The following ZZEF1 variants were observed in gnomAD, a reference collection of about 807,000 sequenced individuals.
ZZEF1 encodes zinc finger ZZ-type and EF-hand domain-containing protein 1.
ZZEF1 carries 157 observed loss-of-function variants against 342.8 expected under a neutral mutation model. The ratio of observed to expected loss-of-function variants is 0.46; its 90% confidence interval spans 0.40 to 0.52. The LOEUF (loss-of-function observed/expected upper bound fraction) is 0.52. Among genes scored for constraint, ZZEF1 ranks in the 20% least tolerant of loss-of-function variants. The probability of loss-of-function intolerance (pLI) is 0.00; values close to 1 mark genes in which losing one functional copy is unlikely to be tolerated. For missense variants in ZZEF1, 3,480 were observed against 3,725.6 expected, an observed-to-expected ratio of 0.93 and a Z score of 1.72; for synonymous variants, 1,505 against 1,429.1, an observed-to-expected ratio of 1.05 and a Z score of -1.20.
Position 4,070,621 on chromosome 17 carries a change from T to C in ZZEF1, c.4075+63A>G, listed in dbSNP as rs568468263. The C allele has an allele frequency of 1.1e-4, 168 of 1,532,294 alleles. No individual in the cohort carries two copies. In the African/African-American group the frequency reaches 2.2e-3, roughly 20 times the overall value. The allele number at this position is 1,532,294 out of a possible 1,614,324, so 94.9% of individuals were successfully genotyped here. A position where few individuals can be genotyped will look rare whatever the true frequency, so the allele number is the denominator to read the frequency against. On this transcript the variant is annotated intron_variant, in intron 26 of 54. Transcript: ENST00000381638. ...AAATATTTTAAATGTTCACTTAAGA[T>C]AGGCTTTCTTAAAACTTAGCAATTA...
chr17:4,060,421 C>T (rs1192074358), intron 30 of ZZEF1, among the ~76,000 whole-genome samples: 4 of 152,004 alleles, frequency 2.6e-5, no homozygotes, highest in Non-Finnish European at 4.4e-5. Flanking sequence ...AAAAATTAGC[C>T]GAGTGTGGTG....
chr17:4,013,557 A>C lies in ZZEF1; in HGVS notation c.8471T>G (p.Leu2824Trp). The change falls in exon 52 of 55, where the codon TTG becomes TGG. Residue 2824 changes from leucine to tryptophan, a missense_variant. By Grantham distance (61) the Leu-to-Trp change is moderately conservative. Around this residue, in one of 5 missense-constraint regions of ZZEF1, gnomAD observed 1,269 missense variants for 1,342.4 expected, o/e 0.95. Transcript: ENST00000381638. The stretch of plus-strand genomic sequence containing the variant: ...CACCAGCCATTCCCAAATTTTTGCC[A>C]ATGGGAGATGAGGCACGACCCTTTC... ...SEERVVPHLP[L>W]AKIWEWLVGV... is the part of the protein sequence containing the mutation. The C allele has an allele frequency of 6.2e-7, 1 of 1,614,154 alleles. No individual in the cohort carries two copies. Among genetic ancestry groups the C allele is most frequent in the East Asian group, 2.2e-5 (1 of 44,884 alleles).
At chr17:4,111,126 T>C (rs1236694583) in intron 5 of ZZEF1, among the ~76,000 whole-genome samples, 2 of 152,178 alleles carry the variant, frequency 1.3e-5, no homozygotes, top group East Asian at 3.8e-4. Flanking sequence ...AAGATATGTA[T>C]AGATTTATGT....
intron 35 of ZZEF1, 148 bp from the exon 36 acceptor site, chr17:4,051,191 G>A (rs1257212465): frequency 3.0e-6 from 3 of 1,012,448 alleles, no homozygotes; most frequent in Non-Finnish European, 4.4e-6. Context: ...AAAGAAAGGT[G>A]TGGGCCCTCT....
chr17:4,021,521 C>T (rs1446472506), intron 44 of ZZEF1, among the ~76,000 whole-genome samples: 1 of 152,206 alleles, frequency 6.6e-6, no homozygotes, highest in Non-Finnish European at 1.5e-5. Flanking sequence ...CTATGGGAAC[C>T]TTTGTGTTTA....
chr17:4,057,183 A>T (rs2057180171), intron 32 of ZZEF1, among the ~76,000 whole-genome samples: 3 of 152,314 alleles, frequency 2.0e-5, no homozygotes, highest in South Asian at 4.1e-4. Context: ...GGGGAGACAA[A>T]GCGAGAAACC....
intron 29 of ZZEF1, 51 bp downstream of exon 29, chr17:4,064,310 G>A (rs1353665647): frequency 7.0e-7 from 1 of 1,421,326 alleles, no homozygotes; most frequent in South Asian, 1.3e-5. Flanking sequence ...ACTAGACTGG[G>A]TACCTACGGC....
rs745636921 is a variant in ZZEF1 at position 4,075,366 on chromosome 17, C to A, written c.3298G>T (p.Ala1100Ser). The A allele has an allele frequency of 3.1e-6, 5 of 1,614,218 alleles. No individual in the cohort carries two copies. The Admixed American group carries it at 6.7e-5, about 22-fold the overall frequency. The part of the protein sequence containing the change: ...VVLHTWTKES[A>S]HNYENNCHEV... ...TGGCAATTATTTTCATAGTTGTGGG[C>A]AGATTCCTTCGTCCACGTATGTAAC... Residue 1100 changes from alanine (A) to serine (S), a missense_variant, in exon 22 of 55, where the codon GCC becomes TCC. Physicochemically the swap from Ala to Ser is moderately conservative, Grantham distance 99 (BLOSUM62 1). This residue lies in a region of ZZEF1 where 1,528 missense variants were observed against 1,624.1 expected (regional missense o/e 0.94). Transcript: ENST00000381638.
chr17:4,034,441 A>G, intron 39 of ZZEF1, 149 bp from the exon 40 acceptor site: 1 of 741,382 alleles, frequency 1.3e-6, no homozygotes, highest in Non-Finnish European at 2.2e-6. Context: ...ATGTATAATC[A>G]CTTACAAAAT....
rs112670055 is a variant in ZZEF1 at position 4,055,720 on chromosome 17, C to T, written c.5295+496G>A. ...CAATTTTTCAATGAGTCTAGTTCTA[C>T]GGCAGGGAGCCACTCTGAGTGTAGT... is the stretch of plus-strand genomic sequence containing the variant. On this transcript the variant is annotated intron_variant, in intron 33 of 54. Transcript: ENST00000381638. 2.3e-3 allele frequency among the ~76,000 whole-genome samples: 345 copies of T among 152,300 alleles called. 2 individuals carry two copies. Among genetic ancestry groups the T allele is most frequent in the African/African-American group, 5.8e-3 (240 of 41,556 alleles).
intron 1 of ZZEF1, among the ~76,000 whole-genome samples, chr17:4,132,555 G>A (rs1242829916): frequency 2.0e-5 from 3 of 151,872 alleles, no homozygotes; most frequent in Non-Finnish European, 4.4e-5. Flanking sequence ...AAAATTAGCC[G>A]GGCTTGGTGG....
At chr17:4,071,080 T>TA (rs11413669) in intron 25 of ZZEF1, among the ~76,000 whole-genome samples, 156 bp from the exon 26 acceptor site, 7,609 of 152,082 alleles carry the variant, frequency 0.05, 656 homozygotes, top group African/African-American at 0.17. Flanking sequence ...AGATATGAGT[T>TA]AAAAAAAGAT....
Position 4,105,702 on chromosome 17 carries a change from C to G in ZZEF1, c.1385G>C (p.Arg462Thr), listed in dbSNP as rs899148005. 1 of 1,611,980 alleles carries G rather than the reference C, an allele frequency of 6.2e-7. No individual in the cohort carries two copies. Among genetic ancestry groups the G allele is most frequent in the Non-Finnish European group, 8.5e-7 (1 of 1,178,666 alleles). ...TCAGCCTTGATTTTACCTAGTTATC[C>G]TTATGAGGAAACTGTCCACTTCTTC... ...VLEEVDSFLI[R>T]ITSCCSTPEV... is the part of the protein sequence containing the mutation. The change falls in exon 7 of 55, where the codon AGG becomes ACG. Residue 462 changes from arginine (R) to threonine (T), a missense_variant. Arg to Thr is a moderately conservative substitution (Grantham distance 71). Coordinates refer to ENST00000381638, the MANE Select transcript of ZZEF1 (RefSeq NM_015113.4).
Position 4,062,785 on chromosome 17 carries a change from CA to C in ZZEF1, c.4850del (p.Leu1617TrpfsTer4). ...CFHPPFILFL[L>X]ELLTCQKDFT... ...AATCTTTCTGACAGGTCAGAAGTTC[CA>C]ACAGGAAAAGTATGAAAGGTGGATG... On this transcript the variant is annotated frameshift_variant, in exon 30 of 55. Coordinates refer to ENST00000381638, the MANE Select transcript of ZZEF1 (RefSeq NM_015113.4). LOFTEE classifies it high-confidence loss of function. 6.2e-7 allele frequency: 1 copy of C among 1,611,218 alleles called. No homozygotes were observed. Among genetic ancestry groups the C allele is most frequent in the Non-Finnish European group, 8.5e-7 (1 of 1,178,570 alleles).
rs1225362950 is a variant in ZZEF1 at position 4,022,696 on chromosome 17, T to C, written c.7212+13A>G. The C allele has an allele frequency of 1.2e-6, 2 of 1,613,452 alleles. No individual in the cohort carries two copies. Among genetic ancestry groups the C allele is most frequent in the African/African-American group, 2.7e-5 (2 of 74,824 alleles). ...ACCAGGAAAGAGGAGCAGGAGTCCC[T>C]CTCGTCTCTTACTTCCAGGTCCCGG... On this transcript the variant is annotated intron_variant, in intron 44 of 54. Coordinates refer to ENST00000381638, the MANE Select transcript of ZZEF1 (RefSeq NM_015113.4).
At chr17:4,056,184 C>A in intron 33 of ZZEF1, 32 bp downstream of exon 33, 1 of 1,493,434 alleles carries the variant, frequency 6.7e-7, no homozygotes, top group Non-Finnish European at 9.0e-7. Context: ...CCTAGCAAAT[C>A]ACTTCAGAGT....
In ZZEF1 at chr17:4,042,576, G is replaced by A. The variant is rs750656870; in HGVS notation, c.6167-8C>T. On this transcript the variant is annotated splice_region_variant and splice_polypyrimidine_tract_variant and intron_variant, in intron 38 of 54. Transcript: ENST00000381638. ...CTTCTGAATCTTCAGCATCTAAGTG[G>A]TAAAACAAACTTTCAGAATTTGCCT... 7.5e-6 allele frequency: 12 copies of A among 1,609,610 alleles called. No homozygotes were observed. In the Admixed American group the frequency reaches 1.5e-4, roughly 21 times the overall value.
rs979158431 is a variant in ZZEF1, at chr17:4,044,250, T to A, written c.6140A>T (p.Asp2047Val). 6.2e-7 allele frequency: 1 copy of A among 1,614,018 alleles called. No individual in the cohort carries two copies. Among genetic ancestry groups the A allele is most frequent in the African/African-American group, 1.3e-5 (1 of 74,932 alleles). ...TGGAAGTCCTGTAGGTGGGCTAGCA[T>A]CTGCAGGTGAATCTGAAATTTGGGT... Reference protein sequence around the residue: ...CQTQISDSPADASPPTGLPDA... With the variant: ...CQTQISDSPAVASPPTGLPDA... The change falls in exon 38 of 55, where the codon GAT becomes GTT. Residue 2047 changes from aspartate (D) to valine (V), a missense_variant. Physicochemically the swap from Asp to Val is radical, Grantham distance 152 (BLOSUM62 -3). Around this residue, in one of 5 missense-constraint regions of ZZEF1, gnomAD observed 1,269 missense variants for 1,342.4 expected, o/e 0.95. Coordinates refer to ENST00000381638, the MANE Select transcript of ZZEF1 (RefSeq NM_015113.4).
intron 43 of ZZEF1, 96 bp from the exon 44 acceptor site, chr17:4,022,924 T>TTCG: frequency 6.7e-7 from 1 of 1,488,064 alleles, no homozygotes. Context: ...CTTTCATTCA[T>TTCG]TCGTCCATTC....
Sources: gnomAD v4.1 joint callset for allele counts (sites outside exome capture counted in the v4.1 genomes callset) on GRCh38, gnomAD v4.1.1 for gene constraint, gnomAD v4.1.1 regional missense constraint, MANE v1.5 for transcripts, NCBI Gene and HGNC (gene_info 2026-07-23, HGNC 2026-07-21) for gene names.